XPR1: variants seen among roughly 807,000 people sequenced by gnomAD.
XPR1 encodes solute carrier family 53 member 1.
Under a neutral mutation model 87.5 loss-of-function variants are expected in XPR1, and 28 were observed. The observed-to-expected ratio is 0.32, with a 90% confidence interval of 0.24 to 0.44. The LOEUF is 0.44. Ranked by LOEUF, XPR1 falls within the 20% of genes least tolerant of loss-of-function variation. The pLI, the probability that XPR1 is intolerant of heterozygous loss-of-function variation, is 1.00. For synonymous variants in XPR1, 300 were observed against 306.1 expected, an observed-to-expected ratio of 0.98 and a Z score of 0.21; for missense variants, 559 against 862.3, an observed-to-expected ratio of 0.65 and a Z score of 4.41.
rs755777956 is a variant in XPR1 at position 180,811,403 on chromosome 1, A to G, written c.682-4A>G. 8 of 1,612,642 alleles carry G rather than the reference A, an allele frequency of 5.0e-6. No homozygotes were observed. The highest frequency in any genetic ancestry group is 6.8e-6 in the Non-Finnish European group (8 of 1,179,348). On this transcript the variant is annotated splice_polypyrimidine_tract_variant and splice_region_variant and intron_variant, in intron 6 of 14. Coordinates refer to ENST00000367590, the MANE Select transcript of XPR1 (RefSeq NM_004736.4). ...GTACTCAAATACTATTTTTCTGTCC[A>G]CAGCCTGCACCAGCATGGACTACTT... is the stretch of plus-strand genomic sequence containing the variant.
intron 2 of XPR1, among the ~76,000 whole-genome samples, chr1:180,773,002 C>G (rs1211429996): frequency 6.6e-6 from 1 of 152,108 alleles, no homozygotes; most frequent in Non-Finnish European, 1.5e-5. Context: ...TTGTAGCTCC[C>G]CAGGGTACAG....
Position 180,824,869 on chromosome 1 carries a change from C to T in XPR1, c.880C>T (p.Gln294Ter). 1 of 1,614,076 alleles carries T rather than the reference C, an allele frequency of 6.2e-7. No homozygotes were observed. The highest frequency in any genetic ancestry group is 8.5e-7 in the Non-Finnish European group (1 of 1,180,002). Reference sequence around the variant, plus strand: ...GGGCATCAACACGTATGGTTGGAGACAGGCTGGAGTAAACCATGTACTCAT... The same window carrying T: ...GGGCATCAACACGTATGGTTGGAGATAGGCTGGAGTAAACCATGTACTCAT... ...LLGINTYGWR[Q>*]AGVNHVLIFE... The change falls in exon 8 of 15, where the codon CAG (glutamine) becomes TAG (stop). Residue 294 changes from glutamine (Q) to a stop codon, truncating the protein, a stop_gained. Coordinates refer to ENST00000367590, the MANE Select transcript of XPR1 (RefSeq NM_004736.4). LOFTEE classifies it high-confidence loss of function.
rs1258915125 is a variant in XPR1, at chr1:180,714,462, T to G, written c.121+32051T>G. 2.0e-5 allele frequency among the ~76,000 whole-genome samples: 3 copies of G among 150,632 alleles called. No individual in the cohort carries two copies. In the East Asian group the frequency reaches 5.9e-4, roughly 30 times the overall value. ...TCTTGTTGCCCAGGCTGGAGTGCGG[T>G]GGCACAATCATAGCACGCTGTAACC... is the stretch of plus-strand genomic sequence containing the variant. On this transcript the variant is annotated intron_variant, in intron 2 of 14. Transcript: ENST00000367590.
At chr1:180,837,807 A>G (rs915392747) in intron 11 of XPR1, among the ~76,000 whole-genome samples, 2 of 152,180 alleles carry the variant, frequency 1.3e-5, no homozygotes, top group Non-Finnish European at 2.9e-5. Flanking sequence ...AAGTCCAGGC[A>G]TATATCATAA....
chr1:180,817,114 T>G (rs145540920), intron 7 of XPR1, among the ~76,000 whole-genome samples: 1 of 152,060 alleles, frequency 6.6e-6, no homozygotes, highest in African/African-American at 2.4e-5. Context: ...AATTAAAAAA[T>G]GTAAAAATAG....
chr1:180,711,057 G>GCGGC (rs1015715427), intron 2 of XPR1, among the ~76,000 whole-genome samples: 2 of 152,092 alleles, frequency 1.3e-5, no homozygotes, highest in African/African-American at 4.8e-5. Context: ...CTCAGACGGG[G>GCGGC]CGGCCGGGCA....
intron 1 of XPR1, among the ~76,000 whole-genome samples, chr1:180,634,289 C>T (rs896243955): frequency 6.6e-6 from 1 of 152,114 alleles, no homozygotes; most frequent in Non-Finnish European, 1.5e-5. Context: ...TTTGATTCTG[C>T]GGAGAGTTCC....
chr1:180,788,836 A>G (rs1045158544), intron 3 of XPR1, among the ~76,000 whole-genome samples: 1 of 152,218 alleles, frequency 6.6e-6, no homozygotes, highest in African/African-American at 2.4e-5. Flanking sequence ...TAAACCAGGT[A>G]TTAGTGTGAA....
At chr1:180,855,704 A>G (rs1052448713) in intron 11 of XPR1, among the ~76,000 whole-genome samples, 3 of 150,912 alleles carry the variant, frequency 2.0e-5, no homozygotes, top group Admixed American at 1.3e-4. Context: ...CGGTTTTACT[A>G]TAACTTTCAT....
At chr1:180,710,170 G>A (rs1047372211) in intron 2 of XPR1, among the ~76,000 whole-genome samples, 7 of 150,418 alleles carry the variant, frequency 4.7e-5, no homozygotes, top group Admixed American at 6.6e-5. Context: ...GGGATTACAG[G>A]TGTGAGCCAC....
intron 3 of XPR1, among the ~76,000 whole-genome samples, chr1:180,802,202 A>C (rs1198626327): frequency 6.6e-6 from 1 of 152,166 alleles, no homozygotes; most frequent in Non-Finnish European, 1.5e-5. Flanking sequence ...TTAAAAAAAA[A>C]AAACTTGACT....
chr1:180,639,018 T>C (rs1388372465), intron 1 of XPR1, among the ~76,000 whole-genome samples: 2 of 152,144 alleles, frequency 1.3e-5, no homozygotes, highest in African/African-American at 4.8e-5. Context: ...AAAATTAGGC[T>C]GGGCATGGTG....
At chr1:180,780,231 T>C (rs1179902753) in intron 2 of XPR1, among the ~76,000 whole-genome samples, 1 of 152,220 alleles carries the variant, frequency 6.6e-6, no homozygotes, top group Non-Finnish European at 1.5e-5. Context: ...TTTGAGGAAC[T>C]ACCGAACTGT....
chr1:180,682,820 G>T (rs974157972), intron 2 of XPR1, among the ~76,000 whole-genome samples: 3 of 151,232 alleles, frequency 2.0e-5, no homozygotes, highest in African/African-American at 7.3e-5. Context: ...TACAATGGAT[G>T]TGTGTGTGTG....
intron 1 of XPR1, among the ~76,000 whole-genome samples, chr1:180,673,526 G>A (rs899556479): frequency 1.3e-5 from 2 of 152,252 alleles, no homozygotes; most frequent in Admixed American, 6.5e-5. Flanking sequence ...CCAGTACTGG[G>A]CCATGGCCTG....
intron 11 of XPR1, among the ~76,000 whole-genome samples, chr1:180,857,674 C>A (rs1444747222): frequency 1.3e-5 from 2 of 152,008 alleles, no homozygotes; most frequent in Non-Finnish European, 2.9e-5. Context: ...TGACTAAATT[C>A]TCTCTCCTCT....
intron 2 of XPR1, among the ~76,000 whole-genome samples, chr1:180,787,531 G>A (rs940936916): frequency 6.6e-6 from 1 of 151,984 alleles, no homozygotes; most frequent in Admixed American, 6.6e-5. Flanking sequence ...TGCCCGCCTC[G>A]GCCTCCCGAA....
At chr1:180,765,625 C>T (rs59741364) in intron 2 of XPR1, among the ~76,000 whole-genome samples, 6,553 of 152,246 alleles carry the variant, frequency 0.043, 502 homozygotes, top group African/African-American at 0.15. Context: ...AACATAAGTA[C>T]ATTTTCCTGT....
chr1:180,761,332 C>T (rs1648019183), intron 2 of XPR1, among the ~76,000 whole-genome samples: 1 of 152,112 alleles, frequency 6.6e-6, no homozygotes, highest in East Asian at 1.9e-4. Context: ...AGTGAACAGG[C>T]AACCTACAAA....
Sources: allele counts gnomAD v4.1 joint callset (sites outside exome capture counted in the v4.1 genomes callset), GRCh38; gene constraint gnomAD v4.1.1; transcripts MANE v1.5; gene names NCBI Gene and HGNC (gene_info 2026-07-23, HGNC 2026-07-21).